The following SPON1 variants were observed in gnomAD, a reference collection of about 807,000 sequenced individuals.
The protein encoded by SPON1 is spondin 1.
Under a neutral mutation model 111.7 loss-of-function variants are expected in SPON1, and 52 were observed. The observed-to-expected ratio is 0.47, with a 90% CI of 0.37 to 0.59. The LOEUF (loss-of-function observed/expected upper bound fraction) is 0.59. SPON1 is among the 20% of genes least tolerant of loss of function. The pLI, the probability that SPON1 is intolerant of heterozygous loss-of-function variation, is 0.00. For missense variants in SPON1, 957 were observed against 1,068.5 expected (o/e 0.90, Z 1.46); for synonymous variants, 410 against 395.8 (o/e 1.04, Z -0.43).
At chr11:14,121,670 C>T (rs2089556476) in intron 5 of SPON1, among the ~76,000 whole-genome samples, 1 of 152,126 alleles carries the variant, frequency 6.6e-6, no homozygotes, top group African/African-American at 2.4e-5. Context: ...GCACCTTACC[C>T]ACATATTTCC....
intron 6 of SPON1, among the ~76,000 whole-genome samples, chr11:14,210,922 G>A (rs1246574926): frequency 1.3e-5 from 2 of 152,218 alleles, no homozygotes; most frequent in Non-Finnish European, 2.9e-5. Context: ...TAGATGTGTG[G>A]CATTATTTCT....
chr11:14,036,410 T>C (rs891785085), intron 2 of SPON1, among the ~76,000 whole-genome samples: 3 of 152,170 alleles, frequency 2.0e-5, no homozygotes, highest in Non-Finnish European at 4.4e-5. Flanking sequence ...CATTTAAATA[T>C]GGAGGATGAA....
chr11:14,216,854 A>G (rs1848631246), intron 6 of SPON1, among the ~76,000 whole-genome samples: 1 of 152,200 alleles, frequency 6.6e-6, no homozygotes, highest in African/African-American at 2.4e-5. Flanking sequence ...TTTACTCTGA[A>G]CTTCACAAAG....
intron 6 of SPON1, among the ~76,000 whole-genome samples, chr11:14,148,395 T>C (rs1169816213): frequency 6.6e-6 from 1 of 152,180 alleles, no homozygotes; most frequent in Non-Finnish European, 1.5e-5. Flanking sequence ...CCTTTCACTG[T>C]ATTCCCTTTG....
chr11:14,235,714 A>G (rs1180590134), intron 6 of SPON1, among the ~76,000 whole-genome samples: 4 of 150,992 alleles, frequency 2.6e-5, no homozygotes, highest in Non-Finnish European at 5.9e-5. Context: ...AAAAGTAAGC[A>G]AAATGCACAG....
chr11:14,226,161 C>G (rs1554938116), intron 6 of SPON1, among the ~76,000 whole-genome samples: 1 of 152,186 alleles, frequency 6.6e-6, no homozygotes, highest in Non-Finnish European at 1.5e-5. Flanking sequence ...AGCTTACTGA[C>G]TGGCCTGAGA....
chr11:14,154,827 G>A (rs1392307227), intron 6 of SPON1, among the ~76,000 whole-genome samples: 1 of 152,166 alleles, frequency 6.6e-6, no homozygotes, highest in African/African-American at 2.4e-5. Flanking sequence ...GCAGGTTAGT[G>A]TAGGCTTTTA....
In SPON1 at chr11:13,962,978, C is replaced by T. The variant is rs782464048; in HGVS notation, c.74C>T (p.Ala25Val). 26 of 1,593,930 alleles carry T rather than the reference C, an allele frequency of 1.6e-5. No individual in the cohort carries two copies. Among genetic ancestry groups the T allele is most frequent in the Non-Finnish European group, 2.2e-5 (26 of 1,171,920 alleles). Reference sequence around the variant, plus strand: ...CTGGCCCTGGCGCTGCCCCTGGCCGCGGCGCTGGCCTTCTCCGACGAGACC... The same window carrying T: ...CTGGCCCTGGCGCTGCCCCTGGCCGTGGCGCTGGCCTTCTCCGACGAGACC... ...ALLALALPLA[A>V]ALAFSDETLD... Residue 25 changes from alanine (A) to valine (V), a missense_variant, in exon 1 of 16, where the codon GCG becomes GTG. Ala to Val is a moderately conservative substitution (Grantham distance 64). Transcript: ENST00000576479.
chr11:14,011,493 G>A (rs1848404384), intron 2 of SPON1, among the ~76,000 whole-genome samples: 1 of 150,884 alleles, frequency 6.6e-6, no homozygotes, highest in Non-Finnish European at 1.5e-5. Context: ...TAGTTTAGGG[G>A]GCCTTCAGTC....
chr11:14,084,964 T>C (rs1337124817), intron 5 of SPON1, among the ~76,000 whole-genome samples: 3 of 152,228 alleles, frequency 2.0e-5, no homozygotes, highest in African/African-American at 7.2e-5. Flanking sequence ...GAAATGTCTG[T>C]TCATATCCTT....
At chr11:14,076,980 T>C (rs782814148) in intron 4 of SPON1, among the ~76,000 whole-genome samples, 1 of 152,212 alleles carries the variant, frequency 6.6e-6, no homozygotes, top group Non-Finnish European at 1.5e-5. Context: ...TCTCCACTTA[T>C]TAAGCTCTTG....
At chr11:14,029,331 C>T (rs539520947) in intron 2 of SPON1, among the ~76,000 whole-genome samples, 49 of 152,020 alleles carry the variant, frequency 3.2e-4, no homozygotes, top group Admixed American at 1.1e-3. Context: ...TGAGAGCAAG[C>T]GGGACACGAG....
chr11:14,228,482 C>T lies in SPON1; in HGVS notation c.826-14850C>T, dbSNP rs527268142. Among the ~76,000 whole-genome samples, 2 of 152,140 alleles carry T rather than the reference C, an allele frequency of 1.3e-5. No homozygotes were observed. Among genetic ancestry groups the T allele is most frequent in the Non-Finnish European group, 2.9e-5 (2 of 68,018 alleles). Reference sequence around the variant, plus strand: ...TGCAGAGGGAGAAGTTGAGCTGTGTCGCAGGCCCAACAAAGACCTCTACCA... The same window carrying T: ...TGCAGAGGGAGAAGTTGAGCTGTGTTGCAGGCCCAACAAAGACCTCTACCA... On this transcript the variant is annotated intron_variant, in intron 6 of 15. Coordinates refer to ENST00000576479, the MANE Select transcript of SPON1 (RefSeq NM_006108.4). The surrounding 1 kb of genome is among the most constrained non-coding windows in gnomAD (Gnocchi z 4.2).
In SPON1 at chr11:14,058,983, T is replaced by C. The variant is rs1484652223; in HGVS notation, c.480-16362T>C. 1.8e-4 allele frequency among the ~76,000 whole-genome samples: 27 copies of C among 152,166 alleles called. 1 individual carries two copies. The highest frequency in any genetic ancestry group is 2.9e-5 in the Non-Finnish European group (2 of 68,030). On this transcript the variant is annotated intron_variant, in intron 3 of 15. Transcript: ENST00000576479. ...AATCCTCAGGGGATTATGTCTTTTATAAAGTGTCTTGAGGGCCTCAATAGT... is the reference window on the plus strand; with the variant it reads ...AATCCTCAGGGGATTATGTCTTTTACAAAGTGTCTTGAGGGCCTCAATAGT...
intron 1 of SPON1, among the ~76,000 whole-genome samples, chr11:13,975,586 C>T (rs1848096727): frequency 6.6e-6 from 1 of 152,056 alleles, no homozygotes; most frequent in Non-Finnish European, 1.5e-5. Context: ...GAGAGGTATT[C>T]CAGAAAAGGG....
intron 7 of SPON1, among the ~76,000 whole-genome samples, chr11:14,253,308 T>G (rs1172830815): frequency 6.6e-6 from 1 of 152,236 alleles, no homozygotes; most frequent in Non-Finnish European, 1.5e-5. Context: ...ACACTAATGG[T>G]AATAAGAGCT....
At chr11:14,129,003 T>C (rs113655981) in intron 5 of SPON1, among the ~76,000 whole-genome samples, 3,308 of 152,350 alleles carry the variant, frequency 0.022, 121 homozygotes, top group African/African-American at 0.075. Context: ...CAGCAGGGCC[T>C]TGGGCCTGGC....
At chr11:13,995,822 C>T (rs1389760738) in intron 2 of SPON1, among the ~76,000 whole-genome samples, 1 of 152,110 alleles carries the variant, frequency 6.6e-6, no homozygotes, top group Admixed American at 6.6e-5. Context: ...GAAATATTAC[C>T]ATTTTCTATA....
chr11:14,104,055 T>C (rs1242959156), intron 5 of SPON1, among the ~76,000 whole-genome samples: 3 of 152,178 alleles, frequency 2.0e-5, no homozygotes, highest in Non-Finnish European at 2.9e-5. Context: ...ACCATAATTC[T>C]ACCTTGTCTG....
Sources: allele counts gnomAD v4.1 joint callset (sites outside exome capture counted in the v4.1 genomes callset), GRCh38; gene constraint gnomAD v4.1.1; non-coding constraint Gnocchi (gnomAD v3.1); transcripts MANE v1.5; gene names NCBI Gene and HGNC (gene_info 2026-07-23, HGNC 2026-07-21).